Variants in SLC23A1 observed in about 807,000 individuals in gnomAD.
The protein encoded by SLC23A1 is solute carrier family 23 member 1, also known as Na(+)/L-ascorbic acid transporter 1.
A neutral mutation model predicts 62.5 loss-of-function variants in SLC23A1; 31 were observed. That is an observed-to-expected ratio of 0.50 (90% CI 0.37 to 0.67). The LOEUF (loss-of-function observed/expected upper bound fraction) is 0.67, where lower values mean the gene tolerates loss of function less well. SLC23A1 is among the 30% of genes least tolerant of loss of function. The probability of loss-of-function intolerance (pLI) is 0.00; values close to 1 mark genes in which losing one functional copy is unlikely to be tolerated. For synonymous variants in SLC23A1, 271 were observed against 313.2 expected (o/e 0.87, Z 1.42); for missense variants, 640 against 782.7 (o/e 0.82, Z 2.18).
intron 14 of SLC23A1, among the ~76,000 whole-genome samples, chr5:139,371,188 TAGC>T (rs1286412263): frequency 6.6e-6 from 1 of 152,198 alleles, no homozygotes; most frequent in Admixed American, 6.5e-5. Flanking sequence ...ATCTCTAAAA[TAGC>T]AGTAATAACT....
intron 14 of SLC23A1, among the ~76,000 whole-genome samples, chr5:139,370,685 G>A (rs1250854282): frequency 6.6e-6 from 1 of 151,670 alleles, no homozygotes; most frequent in South Asian, 2.1e-4. Flanking sequence ...GTAGAGATGC[G>A]GTTTTGCCAT....
chr5:139,372,348 A>G, intron 13 of SLC23A1, 95 bp from the exon 14 acceptor site: 4 of 1,171,386 alleles, frequency 3.4e-6, no homozygotes, highest in Non-Finnish European at 4.8e-6. Context: ...TCTGGAATCA[A>G]GTATCTTCCT....
rs551876429 is a variant in SLC23A1 at position 139,382,537 on chromosome 5, G to T, written c.105C>A (p.Ile35=). 2.5e-6 allele frequency: 4 copies of T among 1,613,442 alleles called. No homozygotes were observed. The African/African-American group carries it at 5.3e-5, about 22-fold the overall frequency. Residue 35 remains isoleucine (I), a synonymous_variant, in exon 2 of 15, where the codon ATC becomes ATA. Coordinates refer to ENST00000348729, the MANE Select transcript of SLC23A1 (RefSeq NM_005847.5). ...TEPKFDMLYK[I]EDVPPWYLCI... is the part of the protein sequence containing the mutation. ...ACAGGTACCAAGGTGGCACGTCCTCGATCTTGTACAACATGTCAAACTTAG... is the reference window on the plus strand; with the variant it reads ...ACAGGTACCAAGGTGGCACGTCCTCTATCTTGTACAACATGTCAAACTTAG...
rs1292971277 is a variant in SLC23A1 at position 139,378,398 on chromosome 5, G to A, written c.1180-47C>T. Reference sequence around the variant, plus strand: ...AGCTAGACCTGGGGACGAGGCTGGGGCGGGGTTAGTTCCAGGGGCGGGGCC... The same window carrying A: ...AGCTAGACCTGGGGACGAGGCTGGGACGGGGTTAGTTCCAGGGGCGGGGCC... On this transcript the variant is annotated intron_variant, in intron 10 of 14. Coordinates refer to ENST00000348729, the MANE Select transcript of SLC23A1 (RefSeq NM_005847.5). The surrounding 1 kb of genome is among the most constrained non-coding windows in gnomAD (Gnocchi z 4.5). The A allele has an allele frequency of 6.5e-7, 1 of 1,543,730 alleles. No individual in the cohort carries two copies. Among genetic ancestry groups the A allele is most frequent in the Non-Finnish European group, 8.7e-7 (1 of 1,143,222 alleles).
At chr5:139,368,103 A>G (rs550963187) in intron 14 of SLC23A1, among the ~76,000 whole-genome samples, 217 of 152,338 alleles carry the variant, frequency 1.4e-3, no homozygotes, top group African/African-American at 4.8e-3. Flanking sequence ...TGGGAGGCCA[A>G]GGCGGGCGGA....
chr5:139,376,542 C>T (rs1367898137), intron 13 of SLC23A1, among the ~76,000 whole-genome samples: 1 of 152,122 alleles, frequency 6.6e-6, no homozygotes, highest in East Asian at 1.9e-4. Flanking sequence ...TCTGCCTTAC[C>T]CATAGTATAT....
At chr5:139,377,561 T>C in intron 12 of SLC23A1, 64 bp from the exon 13 acceptor site, 5 of 865,180 alleles carry the variant, frequency 5.8e-6, no homozygotes, top group Non-Finnish European at 4.0e-6. Context: ...GTTGAGGGAC[T>C]TCCTCTTGTG....
rs758202251 is a variant in SLC23A1 at position 139,382,550 on chromosome 5, A to G, written c.92T>C (p.Met31Thr). ...TPLPTEPKFDMLYKIEDVPPW... is the reference protein window; with the variant it reads ...TPLPTEPKFDTLYKIEDVPPW... ...TGGCACGTCCTCGATCTTGTACAAC[A>G]TGTCAAACTTAGGCTCTGTGGGTAG... The change falls in exon 2 of 15, where the codon ATG (methionine) becomes ACG (threonine). Residue 31 changes from methionine to threonine, a missense_variant. Physicochemically the swap from Met to Thr is moderately conservative, Grantham distance 81 (BLOSUM62 -1). Transcript: ENST00000348729. The G allele has an allele frequency of 4.0e-5, 64 of 1,613,454 alleles. 1 individual carries two copies. In the South Asian group the frequency reaches 6.8e-4, roughly 17 times the overall value.
chr5:139,371,317 G>A (rs1047723967), intron 14 of SLC23A1, among the ~76,000 whole-genome samples: 1 of 152,000 alleles, frequency 6.6e-6, no homozygotes, highest in Non-Finnish European at 1.5e-5. Context: ...TCTCTTTTTG[G>A]GAACTTTTCT....
intron 3 of SLC23A1, 128 bp downstream of exon 3, chr5:139,381,761 TAGG>T (rs1758273497): frequency 4.2e-6 from 3 of 712,118 alleles, no homozygotes; most frequent in Non-Finnish European, 4.7e-6. Context: ...TGGCCTGGGA[TAGG>T]AGAAGCAGGT....
At chr5:139,377,884 G>A in intron 12 of SLC23A1, 91 bp downstream of exon 12, 2 of 1,307,878 alleles carry the variant, frequency 1.5e-6, no homozygotes, top group African/African-American at 1.5e-5. Context: ...ACGATTTGTG[G>A]CTGTAGCTGT....
At position 139,379,272 on chromosome 5, in the gene SLC23A1, G is replaced by A. The variant is rs373518978; in HGVS notation, c.1008C>T (p.Ile336=). The A allele has an allele frequency of 2.7e-5, 43 of 1,614,206 alleles. No individual in the cohort carries two copies. The highest frequency in any genetic ancestry group is 3.2e-5 in the Non-Finnish European group (38 of 1,180,000). Reference sequence around the variant, plus strand: ...GGCGGGCACAGGCGTAGTAATCTCCGATGGACTCAATGATGCCTGCCAGAG... The same window carrying A: ...GGCGGGCACAGGCGTAGTAATCTCCAATGGACTCAATGATGCCTGCCAGAG... The part of the protein sequence containing the change: ...SATLAGIIES[I]GDYYACARLA... Residue 336 remains isoleucine (I), a synonymous_variant, in exon 9 of 15, where the codon ATC becomes ATT. Coordinates refer to ENST00000348729, the MANE Select transcript of SLC23A1 (RefSeq NM_005847.5). This position sits in a 1 kb window ranked among gnomAD's most constrained non-coding sequence, Gnocchi z 4.7.
At chr5:139,370,460 C>T (rs779274680) in intron 14 of SLC23A1, among the ~76,000 whole-genome samples, 10 of 144,022 alleles carry the variant, frequency 6.9e-5, no homozygotes, top group South Asian at 2.3e-4. Flanking sequence ...CGTGAGCCAC[C>T]GCACCCAGCC....
At chr5:139,375,225 C>CGGAG (rs1757890814) in intron 13 of SLC23A1, among the ~76,000 whole-genome samples, 1 of 152,206 alleles carries the variant, frequency 6.6e-6, no homozygotes, top group Admixed American at 6.5e-5. Flanking sequence ...CCTTATGTCC[C>CGGAG]TATACTGATG....
intron 14 of SLC23A1, chr5:139,368,723 T>G: frequency 6.2e-7 from 1 of 1,607,276 alleles, no homozygotes; most frequent in Non-Finnish European, 8.5e-7. Context: ...TTTATGTACT[T>G]ATTTTCCAGG....
intron 13 of SLC23A1, among the ~76,000 whole-genome samples, chr5:139,374,353 C>T (rs1485782410): frequency 1.3e-5 from 2 of 152,182 alleles, no homozygotes; most frequent in African/African-American, 2.4e-5. Context: ...GAGGCTGAGG[C>T]AGGAGAATGG....
chr5:139,384,213 TG>T, upstream of SLC23A1: 1 of 619,540 alleles, frequency 1.6e-6, no homozygotes, highest in Non-Finnish European at 2.3e-6. Flanking sequence ...CAGCCCAGCC[TG>T]GCCCTAGGGC....
upstream of SLC23A1, chr5:139,383,409 G>T: frequency 7.0e-7 from 1 of 1,437,008 alleles, no homozygotes. Flanking sequence ...CCCGGGCAGA[G>T]GTAATGTATT....
chr5:139,373,618 G>C (rs1394440966), intron 13 of SLC23A1, among the ~76,000 whole-genome samples: 2 of 152,196 alleles, frequency 1.3e-5, no homozygotes, highest in Non-Finnish European at 2.9e-5. Context: ...CTTGCTGGCA[G>C]CCCAGGCTGA....
Sources: allele counts gnomAD v4.1 joint callset (sites outside exome capture counted in the v4.1 genomes callset), GRCh38; gene constraint gnomAD v4.1.1; non-coding constraint Gnocchi (gnomAD v3.1); transcripts MANE v1.5; gene names NCBI Gene and HGNC (gene_info 2026-07-23, HGNC 2026-07-21).